The following VRK3 variants were observed in gnomAD, a reference collection of about 807,000 sequenced individuals.
VRK3 encodes the protein VRK serine/threonine kinase 3.
In VRK3, 50 loss-of-function variants were observed where a neutral mutation model predicts 60.4. The observed-to-expected ratio is 0.83, with a 90% confidence interval of 0.66 to 1.05. The LOEUF (loss-of-function observed/expected upper bound fraction) is 1.05, where lower values mean the gene tolerates loss of function less well. Among genes scored for constraint, VRK3 ranks in the 50% least tolerant of loss-of-function variants. VRK3 has a pLI of 0.00. For missense variants in VRK3, 549 were observed against 585.3 expected, an observed-to-expected ratio of 0.94 and a Z score of 0.64; for synonymous variants, 246 against 227.8, an observed-to-expected ratio of 1.08 and a Z score of -0.72.
At chr19:49,993,292 C>T (rs970565854) in intron 9 of VRK3, among the ~76,000 whole-genome samples, 2 of 152,212 alleles carry the variant, frequency 1.3e-5, no homozygotes, top group African/African-American at 2.4e-5. Flanking sequence ...TATCAAAGAG[C>T]TCTTCTCACC....
At chr19:50,019,698 T>TTTTTTTTTTTTTTTTTTTTTTTC (rs2077138655) in intron 2 of VRK3, among the ~76,000 whole-genome samples, 1 of 123,870 alleles carries the variant, frequency 8.1e-6, no homozygotes. Flanking sequence ...TTTTTTTTTT[T>TTTTTTTTTTTTTTTTTTTTTTTC]TTTTTTTTTT....
In VRK3 at chr19:50,000,637, C is replaced by A. The variant is rs11882155; in HGVS notation, c.612+153G>T. 0.014 allele frequency: 11,696 copies of A among 829,558 alleles called. 968 individuals are homozygous for A. The African/African-American group carries it at 0.18, about 13-fold the overall frequency. The allele number at this position is 829,558 out of a possible 1,614,324, so 51.4% of individuals were successfully genotyped here. A position where few individuals can be genotyped will look rare whatever the true frequency, so the allele number is the denominator to read the frequency against. ...CACCCTGGGATGATGGAGAACTGGG[C>A]GCCTGCCCCGCCCACGGTCTTAATA... On this transcript the variant is annotated intron_variant, in intron 6 of 14. Transcript: ENST00000316763.
chr19:49,988,490 GC>G lies in VRK3; in HGVS notation c.1098del (p.Ser368ProfsTer14), dbSNP rs754141376. The stretch of plus-strand genomic sequence containing the variant: ...CTCTGGAGGTCGCTGCGGCGGGAGG[GC>G]CCTGGGGAAGGAGGAGTAAAGGTGG... ...FISMDLHKGC[G>X]PSRRSDLQSL... On this transcript the variant is annotated frameshift_variant and splice_region_variant, in exon 12 of 15. Coordinates refer to ENST00000316763, the MANE Select transcript of VRK3 (RefSeq NM_016440.4). LOFTEE classifies it high-confidence loss of function. 7.4e-6 allele frequency: 12 copies of G among 1,612,462 alleles called. No individual in the cohort carries two copies. The highest frequency in any genetic ancestry group is 1.0e-5 in the Non-Finnish European group (12 of 1,179,270).
At position 49,980,740 on chromosome 19, in the gene VRK3, C is replaced by A. The variant is rs537722636; in HGVS notation, c.1276+215G>T. ...TTAAAAATAAAAAAAAAAAATTACC[C>A]TGTCTTCAAAAAAAAGTTGTGTTTT... On this transcript the variant is annotated intron_variant, in intron 13 of 14. Coordinates refer to ENST00000316763, the MANE Select transcript of VRK3 (RefSeq NM_016440.4). Among the ~76,000 whole-genome samples, 13 of 151,616 alleles carry A rather than the reference C, an allele frequency of 8.6e-5. No homozygotes were observed. The South Asian group carries it at 2.7e-3, about 31-fold the overall frequency.
chr19:49,980,691 T>C (rs2076407135), intron 13 of VRK3, among the ~76,000 whole-genome samples: 1 of 151,934 alleles, frequency 6.6e-6, no homozygotes, highest in Non-Finnish European at 1.5e-5. Context: ...CACTCTAGCC[T>C]GGATGTCAGA....
intron 14 of VRK3, among the ~76,000 whole-genome samples, chr19:49,977,400 T>C (rs55706842): frequency 0.054 from 8,134 of 151,866 alleles, 712 homozygotes; most frequent in African/African-American, 0.19. Flanking sequence ...AGGGAGCGCG[T>C]GGGTGTGAGA....
intron 12 of VRK3, chr19:49,982,043 C>T (rs74375054): frequency 1.0e-5 from 7 of 677,680 alleles, no homozygotes; most frequent in East Asian, 5.4e-5. Flanking sequence ...GGTGGTCCCC[C>T]GGAGGCGGCT....
At chr19:50,013,347 C>T (rs2077025600) in intron 3 of VRK3, among the ~76,000 whole-genome samples, 1 of 152,142 alleles carries the variant, frequency 6.6e-6, no homozygotes, top group African/African-American at 2.4e-5. Flanking sequence ...AGCCTGGGTC[C>T]CTTAGGGCAT....
chr19:49,990,650 C>T lies in VRK3; in HGVS notation c.964-879G>A, dbSNP rs80210192. On this transcript the variant is annotated intron_variant, in intron 10 of 14. Transcript: ENST00000316763. ...GGCCACTGTGCCCAGTCCATGTCTTCTTTTCAATGGCTGCATCTTATTCCA... is the reference window on the plus strand; with the variant it reads ...GGCCACTGTGCCCAGTCCATGTCTTTTTTTCAATGGCTGCATCTTATTCCA... 0.011 allele frequency among the ~76,000 whole-genome samples: 1,736 copies of T among 152,234 alleles called. 78 individuals carry two copies. The East Asian group carries it at 0.11, about 10-fold the overall frequency.
chr19:49,981,050 G>A, intron 12 of VRK3, 37 bp from the exon 13 acceptor site: 1 of 1,595,088 alleles, frequency 6.3e-7, no homozygotes, highest in Non-Finnish European at 8.6e-7. Context: ...GGTCTCTTAG[G>A]GAAAGGAGAG....
intron 7 of VRK3, among the ~76,000 whole-genome samples, chr19:49,996,565 G>A (rs1038205597): frequency 2.0e-5 from 3 of 152,160 alleles, no homozygotes; most frequent in Admixed American, 1.3e-4. Flanking sequence ...ATGAATTTCT[G>A]AGGGTTCATT....
At chr19:49,996,366 A>G (rs990686679) in intron 7 of VRK3, among the ~76,000 whole-genome samples, 2 of 151,914 alleles carry the variant, frequency 1.3e-5, no homozygotes, top group East Asian at 2.0e-4. Flanking sequence ...TGCATTTGCT[A>G]ATTTCTGCAG....
chr19:49,979,907 A>G (rs1415302436), intron 13 of VRK3, among the ~76,000 whole-genome samples: 1 of 151,742 alleles, frequency 6.6e-6, no homozygotes, highest in African/African-American at 2.4e-5. Context: ...AAAATTAGCC[A>G]CACATGGTGG....
At chr19:50,010,607 T>C (rs112529746) in intron 3 of VRK3, among the ~76,000 whole-genome samples, 31 of 152,328 alleles carry the variant, frequency 2.0e-4, no homozygotes, top group African/African-American at 7.2e-4. Context: ...GAACGTGAAT[T>C]CTTGGTTAGG....
intron 12 of VRK3, among the ~76,000 whole-genome samples, chr19:49,985,421 C>T (rs1039643535): frequency 3.9e-5 from 6 of 152,216 alleles, no homozygotes; most frequent in Admixed American, 6.5e-5. Context: ...TTCCTCTTTC[C>T]GCAGGGATGT....
intron 6 of VRK3, chr19:49,997,827 T>G: frequency 2.6e-6 from 1 of 387,980 alleles, no homozygotes; most frequent in Non-Finnish European, 4.7e-6. Flanking sequence ...GCATAAAAAC[T>G]ACGTTTCCCA....
intron 12 of VRK3, among the ~76,000 whole-genome samples, chr19:49,984,858 C>T (rs1775452516): frequency 6.6e-6 from 1 of 152,130 alleles, no homozygotes; most frequent in Non-Finnish European, 1.5e-5. Flanking sequence ...CTCCTGGGCT[C>T]AAGCAATCTG....
At chr19:49,992,258 T>C (rs1263527212) in intron 10 of VRK3, among the ~76,000 whole-genome samples, 1 of 152,128 alleles carries the variant, frequency 6.6e-6, no homozygotes, top group Non-Finnish European at 1.5e-5. Context: ...AAATACAAAA[T>C]TAGCTAGGCG....
chr19:49,981,165 C>G, intron 12 of VRK3, 152 bp from the exon 13 acceptor site: 1 of 704,532 alleles, frequency 1.4e-6, no homozygotes, highest in Non-Finnish European at 2.5e-6. Context: ...ACTGTGAACA[C>G]TGAATCAACC....
Sources: gnomAD v4.1 joint callset for allele counts (sites outside exome capture counted in the v4.1 genomes callset) on GRCh38, gnomAD v4.1.1 for gene constraint, MANE v1.5 for transcripts, NCBI Gene and HGNC (gene_info 2026-07-23, HGNC 2026-07-21) for gene names.